RASA3: variants seen among roughly 807,000 people sequenced by gnomAD.
The protein encoded by RASA3 is RAS p21 protein activator 3, also known as ras GTPase-activating protein 3.
Under a neutral mutation model 110.0 loss-of-function variants are expected in RASA3, and 73 were observed. That is an observed-to-expected ratio of 0.66 (90% CI 0.55 to 0.81). The LOEUF is 0.81. RASA3 is among the 30% of genes least tolerant of loss of function. RASA3 has a pLI of 0.00. For missense variants in RASA3, 976 were observed against 1,113.2 expected (o/e 0.88, Z 1.75); for synonymous variants, 500 against 451.4 (o/e 1.11, Z -1.37).
intron 19 of RASA3, among the ~76,000 whole-genome samples, chr13:114,000,446 C>G (rs1055896453): frequency 6.6e-6 from 1 of 152,178 alleles, no homozygotes; most frequent in African/African-American, 2.4e-5. Context: ...TAGATCTGAG[C>G]CAGCAGATCT....
chr13:114,051,099 G>A (rs2079138081), intron 3 of RASA3, among the ~76,000 whole-genome samples: 2 of 152,138 alleles, frequency 1.3e-5, no homozygotes, highest in South Asian at 2.1e-4. Context: ...TCGTGGCCTC[G>A]CTGGCCTCCT....
At chr13:114,027,627 T>G (rs529073506) in intron 6 of RASA3, among the ~76,000 whole-genome samples, 166 bp from the exon 7 acceptor site, 1 of 152,300 alleles carries the variant, frequency 6.6e-6, no homozygotes, top group Non-Finnish European at 1.5e-5. Context: ...TCAGGAACCT[T>G]TACTCAGCCA....
chr13:114,083,718 G>A (rs534715029), intron 1 of RASA3, among the ~76,000 whole-genome samples: 1 of 33,098 alleles, frequency 3.0e-5, no homozygotes, highest in African/African-American at 6.7e-5. Context: ...GGGAAATCAC[G>A]GGGAAGTGGT....
intron 18 of RASA3, among the ~76,000 whole-genome samples, chr13:114,001,195 T>G (rs1013153564): frequency 1.3e-5 from 2 of 152,250 alleles, no homozygotes; most frequent in Non-Finnish European, 2.9e-5. Context: ...CCTCCCACAC[T>G]GAACTTTCAA....
intron 17 of RASA3, 58 bp downstream of exon 17, chr13:114,009,329 G>A (rs1352356736): frequency 2.2e-6 from 3 of 1,371,546 alleles, no homozygotes; most frequent in Non-Finnish European, 3.1e-6. Context: ...AATTTTAAAA[G>A]AGAACTCCGT....
rs914244579 is a variant in RASA3 at position 114,048,973 on chromosome 13, T to C, written c.277+3079A>G. On this transcript the variant is annotated intron_variant, in intron 3 of 23. Transcript: ENST00000334062. The surrounding 1 kb of genome is among the most constrained non-coding windows in gnomAD (Gnocchi z 4.3). Reference sequence around the variant, plus strand: ...CTTCAGCTGCCTTTCTCGGTTTCTGTCGCCACCGCCCTCCCCCTCCAGGCT... The same window carrying C: ...CTTCAGCTGCCTTTCTCGGTTTCTGCCGCCACCGCCCTCCCCCTCCAGGCT... Among the ~76,000 whole-genome samples the C allele has an allele frequency of 6.6e-6, 1 of 151,806 alleles. No homozygotes were observed. The highest frequency in any genetic ancestry group is 2.4e-5 in the African/African-American group (1 of 41,296).
chr13:114,040,898 G>A (rs1043501820), intron 4 of RASA3, 102 bp downstream of exon 4: 15 of 1,123,328 alleles, frequency 1.3e-5, no homozygotes, highest in East Asian at 4.7e-5. Context: ...AGTCAAGGCC[G>A]AAGCCCGATC....
chr13:114,073,382 C>T (rs894979941), intron 2 of RASA3, among the ~76,000 whole-genome samples: 1 of 148,646 alleles, frequency 6.7e-6, no homozygotes, highest in Non-Finnish European at 1.5e-5. Context: ...ATTCCCTACA[C>T]GCGGGAAAAT....
rs1377555848 is a variant in RASA3, at chr13:114,019,985, C to T, written c.786-1066G>A. ...TGGAGCCTGTGTCCGAGGCATTAGC[C>T]CCCGCCAGGTGGGTGGAGCCTGTGT... On this transcript the variant is annotated intron_variant, in intron 9 of 23. Coordinates refer to ENST00000334062, the MANE Select transcript of RASA3 (RefSeq NM_007368.4). Among the ~76,000 whole-genome samples, 6 of 50,486 alleles carry T rather than the reference C, an allele frequency of 1.2e-4. 2 individuals are homozygous for T. The highest frequency in any genetic ancestry group is 2.0e-4 in the Non-Finnish European group (6 of 30,120). 33.1% of individuals were successfully genotyped at this position (50,486 alleles called of 152,430 possible).
At chr13:114,117,124 G>A (rs1370912706) in intron 1 of RASA3, among the ~76,000 whole-genome samples, 1 of 138,512 alleles carries the variant, frequency 7.2e-6, no homozygotes, top group Non-Finnish European at 1.6e-5. Flanking sequence ...GTGTGTGAGG[G>A]ATGCATGTGT....
At chr13:114,095,374 C>G (rs1007023158) in intron 1 of RASA3, among the ~76,000 whole-genome samples, 1 of 152,028 alleles carries the variant, frequency 6.6e-6, no homozygotes, top group African/African-American at 2.4e-5. Context: ...GAAAAAGAAA[C>G]CCCATACCCA....
chr13:114,123,675 G>T (rs1464377016), intron 1 of RASA3, among the ~76,000 whole-genome samples: 3 of 152,224 alleles, frequency 2.0e-5, no homozygotes, highest in Non-Finnish European at 4.4e-5. Flanking sequence ...CACCAGGCAG[G>T]GAGGGTGGCT....
rs905695313 is a variant in RASA3, at chr13:114,015,065, G to A, written c.1405+144C>T. 6.3e-5 allele frequency: 76 copies of A among 1,207,176 alleles called. 1 individual carries two copies. The highest frequency in any genetic ancestry group is 2.2e-4 in the South Asian group (16 of 71,460). The allele number at this position is 1,207,176 out of a possible 1,614,324, so 74.8% of individuals were successfully genotyped here. A position where few individuals can be genotyped will look rare whatever the true frequency, so the allele number is the denominator to read the frequency against. The stretch of plus-strand genomic sequence containing the variant: ...GAACACTGGCCCGGGCACAAACCCC[G>A]GAAAAATCCAGCATCGGAACTGGGG... On this transcript the variant is annotated intron_variant, in intron 14 of 23. Transcript: ENST00000334062.
At position 114,065,401 on chromosome 13, in the gene RASA3, G is replaced by T. The variant is rs557390333; in HGVS notation, c.173+8319C>A. On this transcript the variant is annotated intron_variant, in intron 2 of 23. Coordinates refer to ENST00000334062, the MANE Select transcript of RASA3 (RefSeq NM_007368.4). This position sits in a 1 kb window ranked among gnomAD's most constrained non-coding sequence, Gnocchi z 4.1. ...CCCAGCCTCGGGGTAGAGGGTAAAG[G>T]CTGCGTGAAGAGGAACCAAACCCCA... Among the ~76,000 whole-genome samples, 1 of 152,356 alleles carries T rather than the reference G, an allele frequency of 6.6e-6. No individual in the cohort carries two copies. Among genetic ancestry groups the T allele is most frequent in the South Asian group, 2.1e-4 (1 of 4,830 alleles).
intron 23 of RASA3, among the ~76,000 whole-genome samples, chr13:113,981,202 T>C (rs1230391446): frequency 6.6e-6 from 1 of 152,204 alleles, no homozygotes; most frequent in Admixed American, 6.5e-5. Flanking sequence ...CCACCTAGCC[T>C]GCAGCTGGTG....
At chr13:114,045,268 C>G (rs1210154118) in intron 3 of RASA3, among the ~76,000 whole-genome samples, 1 of 152,200 alleles carries the variant, frequency 6.6e-6, no homozygotes, top group South Asian at 2.1e-4. Context: ...TGAGTCACAC[C>G]GAAAAGTTTA....
chr13:114,010,060 G>C lies in RASA3; in HGVS notation c.1591-596C>G, dbSNP rs552349534. The stretch of plus-strand genomic sequence containing the variant: ...GGGTTTGGTGCAGACCTCGGAGGAG[G>C]CTCAAGTGCCTGTTATGGAGTTTCC... On this transcript the variant is annotated intron_variant, in intron 16 of 23. Transcript: ENST00000334062. Among the ~76,000 whole-genome samples the C allele has an allele frequency of 6.0e-3, 917 of 152,326 alleles. 4 individuals are homozygous for C. Among genetic ancestry groups the C allele is most frequent in the African/African-American group, 0.021 (877 of 41,570 alleles).
At chr13:114,066,954 C>A (rs899992202) in intron 2 of RASA3, among the ~76,000 whole-genome samples, 49 of 143,454 alleles carry the variant, frequency 3.4e-4, no homozygotes, top group African/African-American at 1.3e-3. Flanking sequence ...CGGGCCTCCC[C>A]ACCTGGGCTG....
At chr13:114,105,087 C>T (rs1279557214) in intron 1 of RASA3, among the ~76,000 whole-genome samples, 1 of 152,086 alleles carries the variant, frequency 6.6e-6, no homozygotes, top group Non-Finnish European at 1.5e-5. Context: ...CCCCAAGCCC[C>T]AGAATCCCTG....
Sources: gnomAD v4.1 joint callset for allele counts (sites outside exome capture counted in the v4.1 genomes callset) on GRCh38, gnomAD v4.1.1 for gene constraint, Gnocchi (gnomAD v3.1) non-coding constraint, MANE v1.5 for transcripts, NCBI Gene and HGNC (gene_info 2026-07-23, HGNC 2026-07-21) for gene names.